RABGAP1L: variants seen among roughly 807,000 people sequenced by gnomAD.
RABGAP1L encodes the protein RAB GTPase activating protein 1 like.
In RABGAP1L, 63 loss-of-function variants were observed where a neutral mutation model predicts 137.7. The ratio of observed to expected loss-of-function variants is 0.46; its 90% CI spans 0.37 to 0.56. RABGAP1L has a LOEUF of 0.56. RABGAP1L is among the 20% of genes least tolerant of loss of function. The pLI is 0.00. For missense variants in RABGAP1L, 1,095 were observed against 1,244.0 expected (o/e 0.88, Z 1.80); for synonymous variants, 431 against 433.7 (o/e 0.99, Z 0.08).
intron 18 of RABGAP1L, among the ~76,000 whole-genome samples, chr1:174,763,648 CTCAAAAAAA>C (rs1685424037): frequency 2.9e-5 from 1 of 34,414 alleles, no homozygotes; most frequent in African/African-American, 1.0e-4. Flanking sequence ...GAGACTCCGT[CTCAAAAAAA>C]AAAAAAAAAA....
intron 18 of RABGAP1L, among the ~76,000 whole-genome samples, chr1:174,792,895 A>G (rs1687965170): frequency 6.6e-6 from 1 of 152,138 alleles, no homozygotes; most frequent in South Asian, 2.1e-4. Context: ...CACTTTGGGA[A>G]GCCAAGGCGG....
At chr1:174,516,126 C>T (rs983105878) in intron 13 of RABGAP1L, among the ~76,000 whole-genome samples, 6 of 128,800 alleles carry the variant, frequency 4.7e-5, no homozygotes, top group African/African-American at 1.8e-4. Flanking sequence ...GCTCTACACA[C>T]ACACACACAC....
intron 2 of RABGAP1L, 28 bp downstream of exon 2, chr1:174,219,323 T>G: frequency 7.1e-7 from 1 of 1,409,468 alleles, no homozygotes; most frequent in Non-Finnish European, 9.5e-7. Flanking sequence ...ACATATGGTA[T>G]AATTTTTAAT....
chr1:174,414,410 A>G (rs1038994035), intron 13 of RABGAP1L, among the ~76,000 whole-genome samples: 1 of 151,964 alleles, frequency 6.6e-6, no homozygotes, highest in Admixed American at 6.6e-5. Context: ...TTTCGGTTGT[A>G]TGACTTTTAG....
At chr1:174,867,181 G>A (rs1466413047) in intron 19 of RABGAP1L, among the ~76,000 whole-genome samples, 6 of 152,124 alleles carry the variant, frequency 3.9e-5, no homozygotes, top group Admixed American at 1.3e-4. Flanking sequence ...AGGAGTTCAA[G>A]ATCAGCCTGG....
intron 13 of RABGAP1L, among the ~76,000 whole-genome samples, chr1:174,464,730 C>T (rs111690784): frequency 1.5e-4 from 23 of 151,856 alleles, no homozygotes; most frequent in African/African-American, 4.8e-4. Flanking sequence ...TCTTCACTGT[C>T]TTTTAAGATT....
intron 13 of RABGAP1L, among the ~76,000 whole-genome samples, chr1:174,487,466 TG>T (rs1659785017): frequency 6.6e-6 from 1 of 152,196 alleles, no homozygotes; most frequent in South Asian, 2.1e-4. Flanking sequence ...TGGTTTCCAT[TG>T]GGATGGAATA....
At chr1:174,272,061 TA>T (rs1674599348) in intron 7 of RABGAP1L, among the ~76,000 whole-genome samples, 1 of 152,006 alleles carries the variant, frequency 6.6e-6, no homozygotes, top group Admixed American at 6.5e-5. Flanking sequence ...GATTTTGACC[TA>T]TATGTTTGGA....
At chr1:174,211,919 G>A (rs539105891) in intron 1 of RABGAP1L, among the ~76,000 whole-genome samples, 6 of 152,238 alleles carry the variant, frequency 3.9e-5, no homozygotes, top group East Asian at 3.9e-4. Flanking sequence ...GGTCAATTCA[G>A]CAAGAGGATA....
At chr1:174,327,793 G>C (rs924783079) in intron 11 of RABGAP1L, among the ~76,000 whole-genome samples, 1 of 151,252 alleles carries the variant, frequency 6.6e-6, no homozygotes, top group Non-Finnish European at 1.5e-5. Context: ...GAAAATGATG[G>C]ATGGGAAAAG....
chr1:174,323,808 A>G (rs573793598), intron 11 of RABGAP1L, among the ~76,000 whole-genome samples: 27 of 152,336 alleles, frequency 1.8e-4, no homozygotes, highest in African/African-American at 5.5e-4. Flanking sequence ...CTTTTAGACA[A>G]CAAATACACC....
intron 19 of RABGAP1L, among the ~76,000 whole-genome samples, chr1:174,837,736 C>T (rs185805221): frequency 1.3e-5 from 2 of 152,034 alleles, no homozygotes; most frequent in Non-Finnish European, 2.9e-5. Flanking sequence ...ATCTAGTGTA[C>T]CCCTAATCTA....
intron 19 of RABGAP1L, among the ~76,000 whole-genome samples, chr1:174,955,508 A>T (rs1668379764): frequency 6.6e-6 from 1 of 152,218 alleles, no homozygotes; most frequent in Non-Finnish European, 1.5e-5. Flanking sequence ...ATTTTAATGA[A>T]AATAAGGAAA....
At chr1:174,939,750 G>T (rs74128516) in intron 19 of RABGAP1L, among the ~76,000 whole-genome samples, 6,966 of 152,124 alleles carry the variant, frequency 0.046, 528 homozygotes, top group African/African-American at 0.16. Context: ...TTCTCATTTA[G>T]GTAACAAGAA....
At chr1:174,736,463 A>G (rs992503435) in intron 17 of RABGAP1L, among the ~76,000 whole-genome samples, 2 of 152,094 alleles carry the variant, frequency 1.3e-5, no homozygotes, top group Non-Finnish European at 2.9e-5. Flanking sequence ...CTCTCACTAG[A>G]TGGAATGCCT....
chr1:174,231,942 G>A (rs912136860), intron 4 of RABGAP1L, among the ~76,000 whole-genome samples: 4 of 152,086 alleles, frequency 2.6e-5, no homozygotes, highest in Non-Finnish European at 5.9e-5. Flanking sequence ...AGATTTAGAC[G>A]GAGCCGCAGA....
chr1:174,637,714 G>A (rs952090015), intron 14 of RABGAP1L, among the ~76,000 whole-genome samples: 1 of 152,132 alleles, frequency 6.6e-6, no homozygotes, highest in African/African-American at 2.4e-5. Flanking sequence ...GCCTCAGTTT[G>A]GCTCTCCTGC....
In RABGAP1L at chr1:174,993,747, GGTTTT is replaced by G. The variant is rs751651147; in HGVS notation, c.*3752_*3756del. 1.4e-4 allele frequency: 22 copies of G among 152,246 alleles called. No homozygotes were observed. The highest frequency in any genetic ancestry group is 5.2e-4 in the Admixed American group (8 of 15,300). 9.4% of individuals were successfully genotyped at this position (152,246 alleles called of 1,614,324 possible). A position where few individuals can be genotyped will look rare whatever the true frequency, so the allele number is the denominator to read the frequency against. ...AAACTTTTAAAAAATTAAATGCCTTGGTTTTGTTTTATCTTCTGGGAAAGAACACT... is the reference window on the plus strand; with the variant it reads ...AAACTTTTAAAAAATTAAATGCCTTGGTTTTATCTTCTGGGAAAGAACACT... On this transcript the variant is annotated 3_prime_UTR_variant, in exon 26 of 26. Transcript: ENST00000681986.
intron 19 of RABGAP1L, among the ~76,000 whole-genome samples, chr1:174,867,261 G>C (rs1440152052): frequency 6.6e-6 from 1 of 151,860 alleles, no homozygotes. Context: ...TGCGCTTATA[G>C]TCCCAGCTGC....
Sources: gnomAD v4.1 joint callset for allele counts (sites outside exome capture counted in the v4.1 genomes callset) on GRCh38, gnomAD v4.1.1 for gene constraint, MANE v1.5 for transcripts, NCBI Gene and HGNC (gene_info 2026-07-23, HGNC 2026-07-21) for gene names.